The following NME7 variants were observed in gnomAD, a reference collection of about 807,000 sequenced individuals.
NME7 encodes the protein NME/NM23 family member 7.
A neutral mutation model predicts 49.1 loss-of-function variants in NME7; 41 were observed. The observed-to-expected ratio is 0.83, with a 90% CI of 0.65 to 1.08. The LOEUF (loss-of-function observed/expected upper bound fraction) is 1.08, where lower values mean the gene tolerates loss of function less well. NME7 is among the 50% of genes least tolerant of loss of function. NME7 has a pLI of 0.00. For synonymous variants in NME7, 139 were observed against 150.6 expected, an observed-to-expected ratio of 0.92 and a Z score of 0.56; for missense variants, 423 against 463.4, an observed-to-expected ratio of 0.91 and a Z score of 0.80.
At chr1:169,135,601 G>A (rs1553238170) in intron 11 of NME7, among the ~76,000 whole-genome samples, 1 of 152,018 alleles carries the variant, frequency 6.6e-6, no homozygotes, top group Admixed American at 6.5e-5. Context: ...TTAAGAGGGG[G>A]CTACTGTTAA....
chr1:169,230,967 T>G, intron 9 of NME7, 148 bp from the exon 10 acceptor site: 3 of 474,620 alleles, frequency 6.3e-6, no homozygotes, highest in Non-Finnish European at 1.1e-5. Context: ...TCCCAAATTC[T>G]GTCCATTTTT....
intron 10 of NME7, among the ~76,000 whole-genome samples, chr1:169,206,762 A>C (rs924616800): frequency 6.6e-6 from 1 of 151,828 alleles, no homozygotes; most frequent in African/African-American, 2.4e-5. Context: ...TAACTCTTAT[A>C]ATTTTAAAAT....
intron 1 of NME7, among the ~76,000 whole-genome samples, chr1:169,338,025 CGT>C (rs914410478): frequency 6.6e-6 from 1 of 152,110 alleles, no homozygotes; most frequent in Non-Finnish European, 1.5e-5. Context: ...AGGGTCTTCA[CGT>C]GTGAAGAATC....
At chr1:169,321,422 T>C (rs1377829201) in intron 3 of NME7, among the ~76,000 whole-genome samples, 1 of 152,210 alleles carries the variant, frequency 6.6e-6, no homozygotes, top group Non-Finnish European at 1.5e-5. Flanking sequence ...AAAGTGCATA[T>C]CATAGTGTCT....
chr1:169,355,136 TAATATATAATATACTATATATTATAG>T (rs1557837470), intron 1 of NME7, among the ~76,000 whole-genome samples: 1,568 of 39,978 alleles, frequency 0.039, 536 homozygotes, highest in Admixed American at 0.062. Context: ...ATTATAGATA[TAATATATAATATACTATATATTATAG>T]ATATAATATA....
chr1:169,227,557 C>T (rs987184222), intron 10 of NME7, among the ~76,000 whole-genome samples: 1 of 152,078 alleles, frequency 6.6e-6, no homozygotes, highest in South Asian at 2.1e-4. Context: ...TCTGAGAGCA[C>T]GGCACTAGCA....
chr1:169,249,738 TAG>T (rs1648481807), intron 7 of NME7, among the ~76,000 whole-genome samples: 1 of 152,248 alleles, frequency 6.6e-6, no homozygotes, highest in Middle Eastern at 3.4e-3. Context: ...CAGATGATCA[TAG>T]AGTTTTTCTT....
chr1:169,190,676 T>G, intron 10 of NME7: 4 of 447,024 alleles, frequency 8.9e-6, no homozygotes, highest in Non-Finnish European at 1.8e-5. Context: ...TTGCCTAAAT[T>G]CACTTGTGAG....
At chr1:169,151,864 C>A (rs535046451) in intron 11 of NME7, among the ~76,000 whole-genome samples, 1 of 152,296 alleles carries the variant, frequency 6.6e-6, no homozygotes, top group South Asian at 2.1e-4. Context: ...CCTACATGAC[C>A]TGATCTGAAG....
At chr1:169,149,512 C>T (rs779172089) in intron 11 of NME7, among the ~76,000 whole-genome samples, 1 of 152,068 alleles carries the variant, frequency 6.6e-6, no homozygotes, top group Non-Finnish European at 1.5e-5. Context: ...ACATATAGTA[C>T]CAAACCCTAC....
chr1:169,319,032 AATTTT>A (rs1469982484), intron 3 of NME7, among the ~76,000 whole-genome samples: 2 of 56,930 alleles, frequency 3.5e-5, no homozygotes, highest in Non-Finnish European at 9.4e-5. Context: ...AATTTAATTT[AATTTT>A]AATTTTAATT....
At chr1:169,300,099 A>T (rs1010389128) in intron 5 of NME7, among the ~76,000 whole-genome samples, 3 of 152,182 alleles carry the variant, frequency 2.0e-5, no homozygotes, top group Non-Finnish European at 2.9e-5. Flanking sequence ...CTGCTTCATG[A>T]AAATTTAATT....
chr1:169,166,577 A>C (rs1296645703), intron 11 of NME7, among the ~76,000 whole-genome samples: 5 of 152,216 alleles, frequency 3.3e-5, no homozygotes, highest in African/African-American at 7.2e-5. Context: ...ACTATTACAG[A>C]TATGACATTT....
At chr1:169,148,857 C>T (rs1346705453) in intron 11 of NME7, among the ~76,000 whole-genome samples, 1 of 152,142 alleles carries the variant, frequency 6.6e-6, no homozygotes, top group East Asian at 1.9e-4. Flanking sequence ...ACTTTGTCTC[C>T]CTTACTTGAT....
Position 169,237,645 on chromosome 1 carries a change from A to G in NME7, c.797T>C (p.Phe266Ser). ...TACCATCTGCATAGCTGAGATTTCA[A>G]AACCTGCATCTCGGATAGCCATCAG... The part of the protein sequence containing the change: ...KILMAIRDAG[F>S]EISAMQMFNM... The change falls in exon 8 of 12, where the codon TTT (phenylalanine) becomes TCT (serine). Residue 266 changes from phenylalanine (F) to serine (S), a missense_variant. Transcript: ENST00000367811. 4 of 1,611,482 alleles carry G rather than the reference A, an allele frequency of 2.5e-6. No homozygotes were observed. In the South Asian group the frequency reaches 4.4e-5, roughly 18 times the overall value.
intron 10 of NME7, among the ~76,000 whole-genome samples, chr1:169,229,089 A>G (rs566774338): frequency 1.3e-5 from 2 of 152,332 alleles, no homozygotes; most frequent in South Asian, 4.1e-4. Context: ...TATAGTCAAA[A>G]TTAAGCTGCA....
chr1:169,274,544 G>A (rs944041486), intron 7 of NME7, among the ~76,000 whole-genome samples: 1 of 133,832 alleles, frequency 7.5e-6, no homozygotes, highest in African/African-American at 2.5e-5. Flanking sequence ...CGTCGCCTAT[G>A]CCTATGTCCT....
chr1:169,213,057 A>G (rs143854837), intron 10 of NME7, among the ~76,000 whole-genome samples: 1 of 152,290 alleles, frequency 6.6e-6, no homozygotes, highest in East Asian at 1.9e-4. Flanking sequence ...CCTAAGTATA[A>G]CAGTGCTGTG....
chr1:169,236,721 C>CTT (rs111598142), intron 8 of NME7, among the ~76,000 whole-genome samples: 10,067 of 145,198 alleles, frequency 0.069, 1,423 homozygotes, highest in East Asian at 0.66. Context: ...AACTATTTCC[C>CTT]TTTTTTTTTT....
Sources: gnomAD v4.1 joint callset for allele counts (sites outside exome capture counted in the v4.1 genomes callset) on GRCh38, gnomAD v4.1.1 for gene constraint, MANE v1.5 for transcripts, NCBI Gene and HGNC (gene_info 2026-07-23, HGNC 2026-07-21) for gene names.